EGFR: variants seen among roughly 807,000 people sequenced by gnomAD.
EGFR encodes the protein avian erythroblastic leukemia viral (v-erb-b) oncogene homolog.
In EGFR, 58 loss-of-function variants were observed where a neutral mutation model predicts 143.0. The observed-to-expected ratio is 0.41, with a 90% CI of 0.33 to 0.50. The LOEUF (loss-of-function observed/expected upper bound fraction) is 0.50. Among genes scored for constraint, EGFR ranks in the 20% least tolerant of loss-of-function variants. The pLI, the probability that EGFR is intolerant of heterozygous loss-of-function variation, is 0.39. For synonymous variants in EGFR, 613 were observed against 594.4 expected, an observed-to-expected ratio of 1.03 and a Z score of -0.45; for missense variants, 1,307 against 1,579.0, an observed-to-expected ratio of 0.83 and a Z score of 2.92.
intron 1 of EGFR, among the ~76,000 whole-genome samples, chr7:55,088,121 A>G (rs544799080): frequency 1.3e-5 from 2 of 152,128 alleles, no homozygotes; most frequent in Admixed American, 1.3e-4. Context: ...CCCAGTGCCC[A>G]TTTCTCTCCC....
intron 16 of EGFR, among the ~76,000 whole-genome samples, chr7:55,171,464 G>A (rs760804282): frequency 9.2e-5 from 14 of 152,328 alleles, no homozygotes; most frequent in Middle Eastern, 3.4e-3. Flanking sequence ...CTGCTCCGCC[G>A]TTGCTCGATG....
In EGFR at chr7:55,210,991, C is replaced by T. The variant is rs1788224034; in HGVS notation, c.*5374C>T. 6.6e-6 allele frequency: 1 copy of T among 152,168 alleles called. No individual in the cohort carries two copies. Among genetic ancestry groups the T allele is most frequent in the South Asian group, 2.1e-4 (1 of 4,830 alleles). The allele number at this position is 152,168 out of a possible 1,614,324, so 9.4% of individuals were successfully genotyped here. A position where few individuals can be genotyped will look rare whatever the true frequency, so the allele number is the denominator to read the frequency against. On this transcript the variant is annotated 3_prime_UTR_variant, in exon 28 of 28. Coordinates refer to ENST00000275493, the MANE Select transcript of EGFR (RefSeq NM_005228.5). ...CAAGAATTCAAGAAGAGGATTCATG[C>T]TTTAAGAAACATTTGTTATACATTC... is the stretch of plus-strand genomic sequence containing the variant.
intron 1 of EGFR, among the ~76,000 whole-genome samples, chr7:55,104,488 A>G (rs1327304396): frequency 1.3e-5 from 2 of 152,100 alleles, no homozygotes; most frequent in Non-Finnish European, 1.5e-5. Flanking sequence ...CGTGAGCCTC[A>G]TTTGTCTCAT....
chr7:55,163,424 G>C (rs1302480795), intron 13 of EGFR, among the ~76,000 whole-genome samples: 2 of 152,074 alleles, frequency 1.3e-5, no homozygotes, highest in African/African-American at 2.4e-5. Flanking sequence ...TCTGGTATTA[G>C]AGGCAGGGAA....
intron 1 of EGFR, among the ~76,000 whole-genome samples, chr7:55,037,697 C>G (rs1232736228): frequency 6.6e-6 from 1 of 152,194 alleles, no homozygotes; most frequent in Non-Finnish European, 1.5e-5. Context: ...AATCGGTTAC[C>G]ATAAAATCCT....
chr7:55,120,206 A>G (rs1023005444), intron 1 of EGFR, among the ~76,000 whole-genome samples: 6 of 152,106 alleles, frequency 3.9e-5, no homozygotes, highest in Non-Finnish European at 8.8e-5. Flanking sequence ...CAGGATGACC[A>G]AGAGCACTCT....
chr7:55,156,490 C>T (rs2128938037), intron 8 of EGFR, 43 bp from the exon 9 acceptor site: 1 of 1,613,160 alleles, frequency 6.2e-7, no homozygotes, highest in East Asian at 2.2e-5. Context: ...TATTCTTAAT[C>T]CAACAAATGT....
chr7:55,203,004 T>C, intron 27 of EGFR: 1 of 457,062 alleles, frequency 2.2e-6, no homozygotes, highest in South Asian at 5.0e-5. Flanking sequence ...GCTGGCTCTA[T>C]CTTGACCTGT....
intron 20 of EGFR, among the ~76,000 whole-genome samples, chr7:55,187,981 C>G (rs974035228): frequency 2.1e-4 from 32 of 152,174 alleles, no homozygotes; most frequent in Admixed American, 1.1e-3. Context: ...TGCCTCAGGA[C>G]CAGCCCAAAG....
intron 1 of EGFR, among the ~76,000 whole-genome samples, chr7:55,035,861 C>G (rs1409221106): frequency 1.3e-5 from 2 of 152,168 alleles, no homozygotes; most frequent in East Asian, 3.9e-4. Flanking sequence ...GAGGTCCTAT[C>G]CCCCTTCCCC....
chr7:55,027,196 G>T (rs1354715803), intron 1 of EGFR, among the ~76,000 whole-genome samples: 1 of 152,170 alleles, frequency 6.6e-6, no homozygotes, highest in African/African-American at 2.4e-5. Context: ...ACACATACAA[G>T]ATCACTCCCT....
intron 27 of EGFR, among the ~76,000 whole-genome samples, chr7:55,204,688 CACAG>C (rs1396584570): frequency 8.1e-6 from 1 of 123,096 alleles, no homozygotes; most frequent in Non-Finnish European, 1.7e-5. Flanking sequence ...CCACACACAC[CACAG>C]ACACACATAG....
intron 1 of EGFR, among the ~76,000 whole-genome samples, chr7:55,063,584 A>G (rs539510956): frequency 6.6e-6 from 1 of 152,354 alleles, no homozygotes; most frequent in Admixed American, 6.5e-5. Flanking sequence ...CCATCAGCAC[A>G]CGCAGTTTTT....
At chr7:55,068,175 C>T (rs1332301268) in intron 1 of EGFR, among the ~76,000 whole-genome samples, 2 of 152,080 alleles carry the variant, frequency 1.3e-5, no homozygotes, top group Non-Finnish European at 2.9e-5. Context: ...GTCAAAAGAA[C>T]AGTTGTTTTG....
At chr7:55,200,275 C>T (rs2128969710) in intron 23 of EGFR, 41 bp from the exon 24 acceptor site, 1 of 1,559,244 alleles carries the variant, frequency 6.4e-7, no homozygotes, top group Non-Finnish European at 8.8e-7. Context: ...TCATTTCTTC[C>T]AGTGTTCTAA....
chr7:55,088,491 G>T (rs1790900442), intron 1 of EGFR, among the ~76,000 whole-genome samples: 1 of 152,180 alleles, frequency 6.6e-6, no homozygotes, highest in Non-Finnish European at 1.5e-5. Flanking sequence ...ATTATACAGG[G>T]ATAATTCCAG....
intron 1 of EGFR, among the ~76,000 whole-genome samples, chr7:55,098,187 G>A (rs1791589960): frequency 6.6e-6 from 1 of 152,196 alleles, no homozygotes; most frequent in Non-Finnish European, 1.5e-5. Flanking sequence ...GAAAAAATGA[G>A]GGTGTTGGTA....
In EGFR at chr7:55,131,504, C is replaced by T. The variant is rs117707677; in HGVS notation, c.89-10782C>T. Among the ~76,000 whole-genome samples the T allele has an allele frequency of 3.1e-3, 465 of 152,248 alleles. 7 individuals are homozygous for T. The highest frequency in any genetic ancestry group is 0.014 in the Admixed American group (215 of 15,300). On this transcript the variant is annotated intron_variant, in intron 1 of 27. Transcript: ENST00000275493. ...CGCAGTAAAGAGGACAAGATGACGACGACTCAGGGAACACCTCCAGCCTGA... is the reference window on the plus strand; with the variant it reads ...CGCAGTAAAGAGGACAAGATGACGATGACTCAGGGAACACCTCCAGCCTGA...
At chr7:55,128,339 G>A (rs1793648533) in intron 1 of EGFR, among the ~76,000 whole-genome samples, 1 of 152,180 alleles carries the variant, frequency 6.6e-6, no homozygotes, top group South Asian at 2.1e-4. Flanking sequence ...ATATTCTTTG[G>A]TCTAAAATTA....
Sources: gnomAD v4.1 joint callset for allele counts (sites outside exome capture counted in the v4.1 genomes callset) on GRCh38, gnomAD v4.1.1 for gene constraint, MANE v1.5 for transcripts, NCBI Gene and HGNC (gene_info 2026-07-23, HGNC 2026-07-21) for gene names.